The following MAPK8 variants were observed in gnomAD, a reference collection of about 807,000 sequenced individuals.
The protein encoded by MAPK8 is JUN N-terminal kinase.
In MAPK8, 13 loss-of-function variants were observed where a neutral mutation model predicts 52.9. The ratio of observed to expected loss-of-function variants is 0.25; its 90% CI spans 0.16 to 0.39. The LOEUF (loss-of-function observed/expected upper bound fraction) is 0.39, where lower values mean the gene tolerates loss of function less well. Ranked by LOEUF, MAPK8 falls within the 10% of genes least tolerant of loss-of-function variation. MAPK8 has a pLI of 1.00. For missense variants in MAPK8, 300 were observed against 519.2 expected, an observed-to-expected ratio of 0.58 and a Z score of 4.10; for synonymous variants, 191 against 169.8, an observed-to-expected ratio of 1.12 and a Z score of -0.97.
At chr10:48,371,137 A>G (rs1848496100) in intron 1 of MAPK8, among the ~76,000 whole-genome samples, 1 of 152,100 alleles carries the variant, frequency 6.6e-6, no homozygotes, top group Non-Finnish European at 1.5e-5. Context: ...TTGCCAATGA[A>G]TGATGTATTA....
intron 1 of MAPK8, among the ~76,000 whole-genome samples, chr10:48,316,490 A>G (rs762768847): frequency 6.6e-6 from 1 of 152,216 alleles, no homozygotes; most frequent in Non-Finnish European, 1.5e-5. Context: ...GCTGCTTTCT[A>G]TGTGCTTAGC....
At chr10:48,341,731 G>T (rs2132341325) in intron 1 of MAPK8, among the ~76,000 whole-genome samples, 1 of 152,336 alleles carries the variant, frequency 6.6e-6, no homozygotes, top group Admixed American at 6.5e-5. Flanking sequence ...GAACTCTGAT[G>T]AGTACAATGA....
intron 1 of MAPK8, among the ~76,000 whole-genome samples, chr10:48,323,320 A>G (rs1240245714): frequency 6.6e-6 from 1 of 152,182 alleles, no homozygotes; most frequent in Non-Finnish European, 1.5e-5. Flanking sequence ...GAATCTAGGT[A>G]TTGTGGGGGT....
At chr10:48,398,955 T>A (rs1229382761) in intron 1 of MAPK8, among the ~76,000 whole-genome samples, 5 of 152,204 alleles carry the variant, frequency 3.3e-5, no homozygotes, top group African/African-American at 9.7e-5. Flanking sequence ...TATACATTAA[T>A]CGAAACTCAT....
intron 5 of MAPK8, among the ~76,000 whole-genome samples, chr10:48,413,852 T>TATATATATAC (rs2042911194): frequency 8.2e-6 from 1 of 122,486 alleles, no homozygotes; most frequent in Non-Finnish European, 1.7e-5. Flanking sequence ...TATATATATA[T>TATATATATAC]ATATATATTC....
At chr10:48,404,146 G>T (rs2042326433) in intron 2 of MAPK8, among the ~76,000 whole-genome samples, 1 of 150,708 alleles carries the variant, frequency 6.6e-6, no homozygotes, top group Non-Finnish European at 1.5e-5. Flanking sequence ...GAATTATTCA[G>T]CAAATCTTTT....
At chr10:48,320,030 C>T (rs1842850212) in intron 1 of MAPK8, among the ~76,000 whole-genome samples, 1 of 151,696 alleles carries the variant, frequency 6.6e-6, no homozygotes, top group Non-Finnish European at 1.5e-5. Context: ...GATTCTCCTA[C>T]CTCAGCCTCC....
At chr10:48,424,244 C>A in intron 7 of MAPK8, 85 bp downstream of exon 7, 1 of 1,242,504 alleles carries the variant, frequency 8.0e-7, no homozygotes. Context: ...GCTACATTTA[C>A]ACAGATGGGT....
At position 48,428,366 on chromosome 10, in the gene MAPK8, C is replaced by T. The variant is rs559454588; in HGVS notation, c.1060+1223C>T. Among the ~76,000 whole-genome samples, 329 of 152,234 alleles carry T rather than the reference C, an allele frequency of 2.2e-3. 1 individual carries two copies. The highest frequency in any genetic ancestry group is 3.7e-3 in the Non-Finnish European group (254 of 68,024). ...GCGTGACTTTGAGTAAATCACTCCC[C>T]CTTCATCTCACCCTCCTACACTGCC... is the stretch of plus-strand genomic sequence containing the variant. On this transcript the variant is annotated intron_variant, in intron 10 of 11. Transcript: ENST00000374189.
chr10:48,334,290 C>G (rs1431051790), intron 1 of MAPK8, among the ~76,000 whole-genome samples: 2 of 152,184 alleles, frequency 1.3e-5, no homozygotes, highest in African/African-American at 4.8e-5. Flanking sequence ...TGTGTCTGAG[C>G]TTTTCCCTGT....
intron 5 of MAPK8, among the ~76,000 whole-genome samples, chr10:48,418,448 G>A (rs774829269): frequency 3.3e-5 from 5 of 150,192 alleles, no homozygotes; most frequent in Non-Finnish European, 7.4e-5. Flanking sequence ...TGTGGACTGT[G>A]CGTTTACATA....
At chr10:48,357,846 G>A (rs966323961) in intron 1 of MAPK8, among the ~76,000 whole-genome samples, 2 of 152,296 alleles carry the variant, frequency 1.3e-5, no homozygotes, top group Admixed American at 6.5e-5. Flanking sequence ...TATCCGTTAC[G>A]TAGTCACTCC....
chr10:48,330,407 A>G (rs903050109), intron 1 of MAPK8, among the ~76,000 whole-genome samples: 1 of 152,188 alleles, frequency 6.6e-6, no homozygotes. Context: ...TCTGTTCTCA[A>G]GAGTTTTTCT....
intron 5 of MAPK8, among the ~76,000 whole-genome samples, chr10:48,417,425 A>G (rs750166349): frequency 3.9e-5 from 6 of 152,176 alleles, no homozygotes; most frequent in Admixed American, 2.6e-4. Context: ...AAAGGGTTTC[A>G]TAATTATTAT....
At chr10:48,345,786 A>G (rs775064665) in intron 1 of MAPK8, among the ~76,000 whole-genome samples, 16 of 152,244 alleles carry the variant, frequency 1.1e-4, no homozygotes, top group Non-Finnish European at 1.5e-4. Flanking sequence ...AGAATGGTGC[A>G]GAAAAGCTGG....
chr10:48,387,913 G>A (rs1029747992), intron 1 of MAPK8, among the ~76,000 whole-genome samples: 1 of 152,142 alleles, frequency 6.6e-6, no homozygotes, highest in South Asian at 2.1e-4. Flanking sequence ...TCTAAAGTTA[G>A]TGTGTAAAGC....
chr10:48,327,510 A>C (rs1455956688), intron 1 of MAPK8, among the ~76,000 whole-genome samples: 1 of 152,080 alleles, frequency 6.6e-6, no homozygotes, highest in Non-Finnish European at 1.5e-5. Flanking sequence ...GATTTTTGTT[A>C]CCTGTGTTCA....
At chr10:48,368,430 A>C (rs575232136) in intron 1 of MAPK8, among the ~76,000 whole-genome samples, 1 of 152,302 alleles carries the variant, frequency 6.6e-6, no homozygotes, top group South Asian at 2.1e-4. Flanking sequence ...CTCTCCCCGC[A>C]TGTTGGCTTG....
intron 10 of MAPK8, 135 bp downstream of exon 10, chr10:48,427,278 T>A: frequency 3.5e-6 from 2 of 571,462 alleles, no homozygotes; most frequent in South Asian, 4.2e-5. Flanking sequence ...TATTTTTACA[T>A]AAGTAGAAAG....
Sources: allele counts gnomAD v4.1 joint callset (sites outside exome capture counted in the v4.1 genomes callset), GRCh38; gene constraint gnomAD v4.1.1; transcripts MANE v1.5; gene names NCBI Gene and HGNC (gene_info 2026-07-23, HGNC 2026-07-21).